The following SGCZ variants were observed in gnomAD, a reference collection of about 807,000 sequenced individuals.
SGCZ encodes sarcoglycan zeta, also known as zeta-sarcoglycan.
Under a neutral mutation model 41.3 loss-of-function variants are expected in SGCZ, and 40 were observed. The observed-to-expected ratio is 0.97, with a 90% CI of 0.75 to 1.26. The LOEUF (loss-of-function observed/expected upper bound fraction) is 1.26, where lower values mean the gene tolerates loss of function less well. Among genes scored for constraint, SGCZ ranks in the 50% most tolerant of loss-of-function variants. The pLI is 0.00. For missense variants in SGCZ, 552 were observed against 369.8 expected (o/e 1.49, Z -4.04); for synonymous variants, 206 against 137.5 (o/e 1.50, Z -3.49).
chr8:14,322,092 A>AG, intron 3 of SGCZ, among the ~76,000 whole-genome samples: 1 of 152,168 alleles, frequency 6.6e-6, no homozygotes, highest in African/African-American at 2.4e-5. Flanking sequence ...TTCATAAAAT[A>AG]GTTCAGCCAC....
chr8:14,339,423 T>G (rs1320157968), intron 2 of SGCZ, among the ~76,000 whole-genome samples: 1 of 152,248 alleles, frequency 6.6e-6, no homozygotes, highest in Non-Finnish European at 1.5e-5. Flanking sequence ...CAAATTATGA[T>G]GTTTAATGGG....
chr8:14,154,400 AC>A lies in SGCZ; in HGVS notation c.547+10179del, dbSNP rs543049695. On this transcript the variant is annotated intron_variant, in intron 5 of 7. Transcript: ENST00000382080. ...AAACAAACAGCAACAACAAAAAAAA[AC>A]CGCAGAAAATAAGTTTCTGTTGTTT... is the stretch of plus-strand genomic sequence containing the variant. 3.2e-3 allele frequency among the ~76,000 whole-genome samples: 453 copies of A among 143,656 alleles called. 5 individuals carry two copies. Among genetic ancestry groups the A allele is most frequent in the Middle Eastern group, 0.024 (7 of 288 alleles). 94.2% of individuals were successfully genotyped at this position (143,656 alleles called of 152,430 possible). A position where few individuals can be genotyped will look rare whatever the true frequency, so the allele number is the denominator to read the frequency against.
intron 1 of SGCZ, among the ~76,000 whole-genome samples, chr8:14,874,344 T>C (rs886834570): frequency 1.3e-5 from 2 of 152,160 alleles, no homozygotes; most frequent in African/African-American, 4.8e-5. Flanking sequence ...ACTTCTGTAC[T>C]AAATAGGACT....
intron 1 of SGCZ, among the ~76,000 whole-genome samples, chr8:14,575,810 G>T (rs1804689609): frequency 6.6e-6 from 1 of 150,758 alleles, no homozygotes; most frequent in Non-Finnish European, 1.5e-5. Context: ...GGAGGCTGAG[G>T]CAGGAGAATC....
intron 1 of SGCZ, among the ~76,000 whole-genome samples, chr8:14,642,312 T>A (rs544774380): frequency 1.5e-3 from 226 of 151,794 alleles, no homozygotes; most frequent in Non-Finnish European, 2.5e-3. Context: ...ATAGCTGTTA[T>A]AAAATTATAT....
chr8:14,882,803 C>G (rs976902944), intron 1 of SGCZ, among the ~76,000 whole-genome samples: 2 of 152,056 alleles, frequency 1.3e-5, no homozygotes, highest in Non-Finnish European at 2.9e-5. Context: ...CCTTTTCGCA[C>G]CTGCACTAGA....
chr8:14,609,746 G>C (rs930699882), intron 1 of SGCZ, among the ~76,000 whole-genome samples: 1 of 152,040 alleles, frequency 6.6e-6, no homozygotes, highest in Non-Finnish European at 1.5e-5. Flanking sequence ...GCTGATAAAG[G>C]TGCTTTCTAA....
intron 1 of SGCZ, among the ~76,000 whole-genome samples, chr8:14,912,908 A>T (rs1365848070): frequency 6.6e-6 from 1 of 152,106 alleles, no homozygotes; most frequent in African/African-American, 2.4e-5. Flanking sequence ...AAAAGAAAAG[A>T]CTAACACTCC....
At chr8:14,729,847 G>C (rs1235266288) in intron 1 of SGCZ, among the ~76,000 whole-genome samples, 3 of 152,196 alleles carry the variant, frequency 2.0e-5, no homozygotes, top group Non-Finnish European at 4.4e-5. Flanking sequence ...CAGTTTAGGA[G>C]GACGAGGCAG....
At chr8:15,101,209 C>G (rs1043056031) in intron 1 of SGCZ, among the ~76,000 whole-genome samples, 2 of 151,942 alleles carry the variant, frequency 1.3e-5, no homozygotes, top group African/African-American at 4.8e-5. Context: ...TTTGAACACA[C>G]CAAATGTATA....
chr8:15,146,629 A>G (rs972442684), intron 1 of SGCZ, among the ~76,000 whole-genome samples: 9 of 152,244 alleles, frequency 5.9e-5, no homozygotes, highest in African/African-American at 1.7e-4. Context: ...CTATATGAAG[A>G]TAATACTAAA....
intron 1 of SGCZ, among the ~76,000 whole-genome samples, chr8:14,592,542 T>C (rs1175412685): frequency 2.0e-5 from 3 of 152,096 alleles, no homozygotes; most frequent in South Asian, 2.1e-4. Flanking sequence ...GTATATCTCA[T>C]GCATATTATT....
intron 1 of SGCZ, among the ~76,000 whole-genome samples, chr8:15,003,109 T>C (rs944126964): frequency 1.3e-4 from 20 of 152,104 alleles, no homozygotes; most frequent in South Asian, 2.1e-4. Flanking sequence ...AAGAGGTATA[T>C]TGTCATGGTG....
chr8:15,203,696 T>C (rs1362740786), intron 1 of SGCZ, among the ~76,000 whole-genome samples: 1 of 152,182 alleles, frequency 6.6e-6, no homozygotes, highest in Admixed American at 6.6e-5. Context: ...GGCCAAGACC[T>C]CTTACAGCCT....
chr8:14,593,204 A>C (rs1419215955), intron 1 of SGCZ, among the ~76,000 whole-genome samples: 1 of 152,160 alleles, frequency 6.6e-6, no homozygotes, highest in Non-Finnish European at 1.5e-5. Context: ...TTTATCCTGG[A>C]TCATCACAAA....
At chr8:14,568,875 A>T (rs944838460) in intron 1 of SGCZ, among the ~76,000 whole-genome samples, 1 of 152,230 alleles carries the variant, frequency 6.6e-6, no homozygotes, top group Non-Finnish European at 1.5e-5. Context: ...GAATATGTGC[A>T]GAAAGAGTAT....
intron 2 of SGCZ, among the ~76,000 whole-genome samples, chr8:14,338,054 T>A (rs1243485308): frequency 6.6e-6 from 1 of 152,150 alleles, no homozygotes; most frequent in African/African-American, 2.4e-5. Flanking sequence ...AGGCAAGATA[T>A]CAAGGATGGA....
chr8:14,360,516 G>C (rs193042804), intron 2 of SGCZ, among the ~76,000 whole-genome samples: 5 of 152,080 alleles, frequency 3.3e-5, no homozygotes, highest in Admixed American at 2.6e-4. Flanking sequence ...AGTAGAGTCA[G>C]GGTTTTACCA....
chr8:14,909,520 A>T (rs1034199784), intron 1 of SGCZ, among the ~76,000 whole-genome samples: 1 of 152,136 alleles, frequency 6.6e-6, no homozygotes, highest in Non-Finnish European at 1.5e-5. Context: ...ATCTGTGCTA[A>T]CCATTCCCAA....
Sources: gnomAD v4.1 joint callset for allele counts (sites outside exome capture counted in the v4.1 genomes callset) on GRCh38, gnomAD v4.1.1 for gene constraint, MANE v1.5 for transcripts, NCBI Gene and HGNC (gene_info 2026-07-23, HGNC 2026-07-21) for gene names.